Variants in METAP1 observed in about 807,000 individuals in gnomAD.
METAP1 encodes the protein methionine aminopeptidase 1.
METAP1 carries 28 observed loss-of-function variants against 53.8 expected under a neutral mutation model. The ratio of observed to expected loss-of-function variants is 0.52; its 90% CI spans 0.39 to 0.71. METAP1 has a LOEUF of 0.71. Among genes scored for constraint, METAP1 ranks in the 30% least tolerant of loss-of-function variants. The pLI is 0.00. For synonymous variants in METAP1, 181 were observed against 165.7 expected, an observed-to-expected ratio of 1.09 and a Z score of -0.71; for missense variants, 389 against 479.8, an observed-to-expected ratio of 0.81 and a Z score of 1.77.
chr4:99,054,997 G>A (rs1393515902), intron 9 of METAP1, among the ~76,000 whole-genome samples: 3 of 152,120 alleles, frequency 2.0e-5, no homozygotes, highest in African/African-American at 7.2e-5. Context: ...TTACCAAATT[G>A]TGACACAGAG....
chr4:99,028,436 C>T (rs968660789), intron 1 of METAP1, among the ~76,000 whole-genome samples: 4 of 152,020 alleles, frequency 2.6e-5, no homozygotes, highest in African/African-American at 4.8e-5. Flanking sequence ...AGGGCTGTGT[C>T]ACATAGTAAC....
intron 1 of METAP1, among the ~76,000 whole-genome samples, chr4:98,998,559 A>G (rs933476248): frequency 3.3e-5 from 5 of 152,110 alleles, no homozygotes; most frequent in Admixed American, 6.5e-5. Flanking sequence ...CAAAAAACCA[A>G]AAAGAAGAAA....
At chr4:99,049,750 A>C (rs1000761938) in intron 9 of METAP1, among the ~76,000 whole-genome samples, 1 of 152,192 alleles carries the variant, frequency 6.6e-6, no homozygotes, top group Non-Finnish European at 1.5e-5. Flanking sequence ...TTTCATCTGT[A>C]CAATAGTAGG....
chr4:99,004,884 T>G (rs1481178269), intron 1 of METAP1, among the ~76,000 whole-genome samples: 1 of 152,214 alleles, frequency 6.6e-6, no homozygotes, highest in Non-Finnish European at 1.5e-5. Flanking sequence ...CTATGTGATA[T>G]TCCAATAAAT....
intron 1 of METAP1, chr4:99,022,937 GA>G: frequency 6.7e-7 from 1 of 1,498,710 alleles, no homozygotes; most frequent in Non-Finnish European, 9.0e-7. Context: ...TAGGCACTGA[GA>G]AGGTTGCGGA....
chr4:99,023,366 T>G (rs188897456), intron 1 of METAP1: 153 of 861,274 alleles, frequency 1.8e-4, no homozygotes, highest in African/African-American at 1.7e-3. Context: ...AAAGTATTTT[T>G]TTTTGTCTTT....
chr4:99,021,944 G>C (rs1724138869), intron 1 of METAP1, among the ~76,000 whole-genome samples: 1 of 152,088 alleles, frequency 6.6e-6, no homozygotes, highest in African/African-American at 2.4e-5. Context: ...ATTTAACCGG[G>C]GAATGATAAA....
In METAP1 at chr4:99,039,238, A is replaced by G. The variant is rs1486240740; in HGVS notation, c.341-136A>G. The G allele has an allele frequency of 2.9e-5, 16 of 560,936 alleles. No individual in the cohort carries two copies. In the East Asian group the frequency reaches 4.7e-4, roughly 17 times the overall value. 34.7% of individuals were successfully genotyped at this position (560,936 alleles called of 1,614,324 possible). On this transcript the variant is annotated intron_variant, in intron 4 of 10. Transcript: ENST00000296411. ...ATGTTTTTTTTTAAAAATCTAACCT[A>G]GACCATCCCAAATCATGAATTACTG...
chr4:99,033,967 G>A (rs991827134), intron 2 of METAP1, among the ~76,000 whole-genome samples: 5 of 152,098 alleles, frequency 3.3e-5, no homozygotes, highest in Non-Finnish European at 7.4e-5. Context: ...TAAAAACTTA[G>A]TATATGTTTA....
At chr4:99,041,828 C>G (rs552189925) in intron 6 of METAP1, among the ~76,000 whole-genome samples, 1 of 151,160 alleles carries the variant, frequency 6.6e-6, no homozygotes, top group Non-Finnish European at 1.5e-5. Context: ...ATTGGAAGAA[C>G]CCTTTTGGAA....
chr4:99,028,708 G>A (rs973234655), intron 1 of METAP1, among the ~76,000 whole-genome samples, 159 bp from the exon 2 acceptor site: 1 of 152,146 alleles, frequency 6.6e-6, no homozygotes, highest in Non-Finnish European at 1.5e-5. Flanking sequence ...TATTGAACAG[G>A]TGTCATTTCT....
In METAP1 at chr4:99,034,207, A is replaced by T. The variant is rs1725267312; in HGVS notation, c.167-23A>T. ...TTCCCTCCTTCTCCTCCTTCCTCTC[A>T]TATCTATTCCTCCGTCTCCCAGAAG... On this transcript the variant is annotated intron_variant, in intron 2 of 10. Coordinates refer to ENST00000296411, the MANE Select transcript of METAP1 (RefSeq NM_015143.3). 3 of 1,383,816 alleles carry T rather than the reference A, an allele frequency of 2.2e-6. No homozygotes were observed. The South Asian group carries it at 3.7e-5, about 17-fold the overall frequency. 85.7% of individuals were successfully genotyped at this position (1,383,816 alleles called of 1,614,324 possible).
At chr4:99,018,727 A>G (rs1723920825) in intron 1 of METAP1, among the ~76,000 whole-genome samples, 1 of 152,206 alleles carries the variant, frequency 6.6e-6, no homozygotes, top group Admixed American at 6.5e-5. Context: ...AGGATCCATC[A>G]GGCTTCCTGA....
intron 10 of METAP1, among the ~76,000 whole-genome samples, chr4:99,058,791 G>A (rs1413497389): frequency 1.3e-5 from 2 of 152,234 alleles, no homozygotes; most frequent in African/African-American, 4.8e-5. Flanking sequence ...GGGGATCACT[G>A]AAGTCACTTT....
chr4:99,031,562 G>C (rs1388925342), intron 2 of METAP1: 1 of 1,288,652 alleles, frequency 7.8e-7, no homozygotes, highest in South Asian at 1.2e-5. Flanking sequence ...TGTGACCATG[G>C]GTTATTCTAA....
chr4:99,022,697 T>G, intron 1 of METAP1: 2 of 1,453,440 alleles, frequency 1.4e-6, no homozygotes, highest in African/African-American at 1.4e-5. Context: ...GTGCAAGTAC[T>G]TGAGATTCCA....
At chr4:99,001,813 T>C (rs1351180202) in intron 1 of METAP1, among the ~76,000 whole-genome samples, 1 of 152,248 alleles carries the variant, frequency 6.6e-6, no homozygotes, top group Non-Finnish European at 1.5e-5. Flanking sequence ...GCTAATTCTA[T>C]ATCCTTTTCC....
chr4:99,061,240 C>T lies in METAP1; in HGVS notation c.1084C>T (p.Leu362=). The change falls in exon 11 of 11, where the codon CTG becomes TTG. Residue 362 remains leucine (L), a synonymous_variant. Coordinates refer to ENST00000296411, the MANE Select transcript of METAP1 (RefSeq NM_015143.3). ...KRSAQFEHTL[L]VTDTGCEILT... The stretch of plus-strand genomic sequence containing the variant: ...GTCTGCTCAGTTTGAGCACACCCTC[C>T]TGGTCACAGACACTGGCTGTGAAAT... The T allele has an allele frequency of 6.8e-6, 11 of 1,614,000 alleles. No individual in the cohort carries two copies. Among genetic ancestry groups the T allele is most frequent in the Non-Finnish European group, 9.3e-6 (11 of 1,179,866 alleles).
intron 6 of METAP1, among the ~76,000 whole-genome samples, chr4:99,042,204 C>T (rs1725923752): frequency 6.6e-6 from 1 of 151,202 alleles, no homozygotes; most frequent in Non-Finnish European, 1.5e-5. Flanking sequence ...ATTTGTAATG[C>T]TATGAGAAGT....
Sources: gnomAD v4.1 joint callset for allele counts (sites outside exome capture counted in the v4.1 genomes callset) on GRCh38, gnomAD v4.1.1 for gene constraint, MANE v1.5 for transcripts, NCBI Gene and HGNC (gene_info 2026-07-23, HGNC 2026-07-21) for gene names.